The following XYLT1 variants were observed in gnomAD, a reference collection of about 807,000 sequenced individuals.
XYLT1 encodes the protein beta-D-xylosyltransferase 1.
Under a neutral mutation model 91.3 loss-of-function variants are expected in XYLT1, and 36 were observed. The ratio of observed to expected loss-of-function variants is 0.39; its 90% confidence interval spans 0.30 to 0.52. The LOEUF is 0.52. XYLT1 is among the 20% of genes least tolerant of loss of function. The pLI, the probability that XYLT1 is intolerant of heterozygous loss-of-function variation, is 0.68. For synonymous variants in XYLT1, 588 were observed against 532.0 expected, an observed-to-expected ratio of 1.11 and a Z score of -1.45; for missense variants, 1,242 against 1,284.5, an observed-to-expected ratio of 0.97 and a Z score of 0.51.
At chr16:17,167,290 T>C (rs2031711579) in intron 5 of XYLT1, among the ~76,000 whole-genome samples, 2 of 152,284 alleles carry the variant, frequency 1.3e-5, no homozygotes, top group Admixed American at 6.5e-5. Flanking sequence ...AAGGGGACTG[T>C]TGTTGAGTGC....
chr16:17,416,727 A>C (rs2036184713), intron 1 of XYLT1, among the ~76,000 whole-genome samples: 1 of 152,202 alleles, frequency 6.6e-6, no homozygotes, highest in Non-Finnish European at 1.5e-5. Context: ...GATTTACGGA[A>C]TTCTCAGCGG....
chr16:17,315,311 C>A (rs528526513), intron 2 of XYLT1, among the ~76,000 whole-genome samples: 1 of 152,222 alleles, frequency 6.6e-6, no homozygotes, highest in Non-Finnish European at 1.5e-5. Context: ...TGCTCTTTGT[C>A]ACCTTGTGCA....
At chr16:17,171,201 C>T (rs968682216) in intron 5 of XYLT1, among the ~76,000 whole-genome samples, 1 of 152,064 alleles carries the variant, frequency 6.6e-6, no homozygotes, top group Non-Finnish European at 1.5e-5. Flanking sequence ...CATGAATTCT[C>T]CAGGACTAGA....
chr16:17,187,323 G>A (rs1220556392), intron 5 of XYLT1, among the ~76,000 whole-genome samples: 1 of 150,850 alleles, frequency 6.6e-6, no homozygotes, highest in African/African-American at 2.4e-5. Flanking sequence ...GAACCAGGGA[G>A]GCGGAGCTTG....
intron 11 of XYLT1, among the ~76,000 whole-genome samples, chr16:17,110,378 A>T (rs1489497602): frequency 5.3e-5 from 8 of 152,182 alleles, no homozygotes. Context: ...TTGAATCATG[A>T]TGAGTTTTTG....
intron 3 of XYLT1, among the ~76,000 whole-genome samples, chr16:17,212,774 A>G (rs1267955516): frequency 6.6e-6 from 1 of 152,218 alleles, no homozygotes; most frequent in Non-Finnish European, 1.5e-5. Context: ...ATACTGCTCA[A>G]TAAATGGAAA....
chr16:17,360,687 G>A (rs1030289843), intron 1 of XYLT1, among the ~76,000 whole-genome samples: 1 of 152,196 alleles, frequency 6.6e-6, no homozygotes, highest in Non-Finnish European at 1.5e-5. Flanking sequence ...ATATCTGTGA[G>A]GTCTCGCTTT....
chr16:17,361,233 G>A (rs1351813266), intron 1 of XYLT1, among the ~76,000 whole-genome samples: 2 of 152,104 alleles, frequency 1.3e-5, no homozygotes, highest in East Asian at 3.9e-4. Context: ...AAGAGATCAT[G>A]TCCCCAGTAC....
At position 17,470,705 on chromosome 16, in the gene XYLT1, A is replaced by G; in HGVS notation, c.92T>C (p.Val31Ala). Residue 31 changes from valine (V) to alanine (A), a missense_variant, in exon 1 of 12, where the codon GTC becomes GCC. Val to Ala is a moderately conservative substitution (Grantham distance 64). This residue lies in a region of XYLT1 where 437 missense variants were observed against 411.5 expected (regional missense o/e 1.06). Transcript: ENST00000261381. ...GTCGAGGCTGCTGAAATTCCACACG[A>G]CCAGCGTCTGCAGCAGCAGCACCGT... ...ALTVLLLQTL[V>A]VWNFSSLDSG... is the part of the protein sequence containing the mutation. 1 of 1,166,378 alleles carries G rather than the reference A, an allele frequency of 8.6e-7. No individual in the cohort carries two copies. Among genetic ancestry groups the G allele is most frequent in the Non-Finnish European group, 1.1e-6 (1 of 927,160 alleles). The allele number at this position is 1,166,378 out of a possible 1,614,324, so 72.3% of individuals were successfully genotyped here. A position where few individuals can be genotyped will look rare whatever the true frequency, so the allele number is the denominator to read the frequency against.
chr16:17,422,511 T>C (rs182804754), intron 1 of XYLT1, among the ~76,000 whole-genome samples: 135 of 150,934 alleles, frequency 8.9e-4, no homozygotes, highest in Admixed American at 1.6e-3. Flanking sequence ...CAAATTTTAC[T>C]TTATTATTTT....
chr16:17,182,090 G>C (rs982627553), intron 5 of XYLT1, among the ~76,000 whole-genome samples: 13 of 152,158 alleles, frequency 8.5e-5, no homozygotes, highest in Non-Finnish European at 1.9e-4. Context: ...TCCCTGATGG[G>C]TAGCATGGTC....
intron 5 of XYLT1, chr16:17,197,978 T>C: frequency 1.7e-6 from 1 of 586,942 alleles, no homozygotes; most frequent in Non-Finnish European, 3.0e-6. Flanking sequence ...GTCTGTTTAG[T>C]GCACTGGCAT....
At chr16:17,393,765 A>AATTATT (rs374790942) in intron 1 of XYLT1, among the ~76,000 whole-genome samples, 7 of 149,442 alleles carry the variant, frequency 4.7e-5, no homozygotes, top group African/African-American at 7.5e-5. Context: ...TTAATTAATT[A>AATTATT]ATTATTATTA....
In XYLT1 at chr16:17,452,305, C is replaced by CTT. The variant is rs35177574; in HGVS notation, c.363+18127_363+18128dup. Among the ~76,000 whole-genome samples, 155 of 131,676 alleles carry CTT rather than the reference C, an allele frequency of 1.2e-3. 1 individual carries two copies. Among genetic ancestry groups the CTT allele is most frequent in the African/African-American group, 3.6e-3 (125 of 35,028 alleles). The allele number at this position is 131,676 out of a possible 152,430, so 86.4% of individuals were successfully genotyped here. On this transcript the variant is annotated intron_variant, in intron 1 of 11. Transcript: ENST00000261381. ...CTTTTGTTTGATTCTCAGTTTTTTT[C>CTT]TTTTTTTTTTTTTTTTTGTTAGTAA...
At chr16:17,373,978 G>C (rs2035566886) in intron 1 of XYLT1, among the ~76,000 whole-genome samples, 1 of 152,172 alleles carries the variant, frequency 6.6e-6, no homozygotes, top group South Asian at 2.1e-4. Context: ...GATTTAGTTA[G>C]ATTTGTGATA....
intron 2 of XYLT1, among the ~76,000 whole-genome samples, chr16:17,292,738 T>C (rs1015409522): frequency 1.3e-5 from 2 of 152,354 alleles, no homozygotes; most frequent in Admixed American, 6.5e-5. Flanking sequence ...CACATTTGTG[T>C]TGACATCATC....
intron 2 of XYLT1, among the ~76,000 whole-genome samples, chr16:17,335,762 T>C (rs1190171100): frequency 6.6e-6 from 1 of 152,140 alleles, no homozygotes; most frequent in Non-Finnish European, 1.5e-5. Context: ...GTAATGTCTG[T>C]TGTTTTATTT....
intron 1 of XYLT1, among the ~76,000 whole-genome samples, chr16:17,455,979 G>T (rs186737848): frequency 5.3e-5 from 8 of 152,290 alleles, no homozygotes; most frequent in Admixed American, 5.2e-4. Context: ...TGAAATCCGT[G>T]CTTGTAATTA....
chr16:17,206,600 G>C (rs1326531326), intron 3 of XYLT1, among the ~76,000 whole-genome samples: 1 of 152,134 alleles, frequency 6.6e-6, no homozygotes, highest in Non-Finnish European at 1.5e-5. Flanking sequence ...ACTTCTCATG[G>C]TGGCTTGCGT....
Sources: allele counts gnomAD v4.1 joint callset (sites outside exome capture counted in the v4.1 genomes callset), GRCh38; gene constraint gnomAD v4.1.1; regional missense constraint gnomAD v4.1.1; transcripts MANE v1.5; gene names NCBI Gene and HGNC (gene_info 2026-07-23, HGNC 2026-07-21).